The following MALRD1 variants were observed in gnomAD, a reference collection of about 807,000 sequenced individuals.
The protein encoded by MALRD1 is MAM and LDL receptor class A domain containing 1, also known as MAM and LDL-receptor class A domain-containing protein 1.
A neutral mutation model predicts 242.1 loss-of-function variants in MALRD1; 247 were observed. That is an observed-to-expected ratio of 1.02 (90% CI 0.92 to 1.13). The LOEUF (loss-of-function observed/expected upper bound fraction) is 1.13. Among genes scored for constraint, MALRD1 ranks in the 50% most tolerant of loss-of-function variants. The probability of loss-of-function intolerance (pLI) is 0.00; values close to 1 mark genes in which losing one functional copy is unlikely to be tolerated. For missense variants in MALRD1, 2,989 were observed against 2,533.1 expected (o/e 1.18, Z -3.86); for synonymous variants, 995 against 866.6 (o/e 1.15, Z -2.60).
intron 19 of MALRD1, among the ~76,000 whole-genome samples, chr10:19,271,467 G>T (rs1840237888): frequency 6.6e-6 from 1 of 152,104 alleles, no homozygotes; most frequent in East Asian, 1.9e-4. Flanking sequence ...ACTATTATTA[G>T]AATTTTAAAA....
chr10:19,184,613 A>G (rs1835658130), intron 14 of MALRD1, among the ~76,000 whole-genome samples: 2 of 152,062 alleles, frequency 1.3e-5, no homozygotes, highest in South Asian at 4.1e-4. Context: ...CAGTGGTGCG[A>G]TCTTGGCTCA....
intron 1 of MALRD1, chr10:19,051,555 A>G (rs1834495883): frequency 5.7e-6 from 1 of 174,422 alleles, no homozygotes; most frequent in Non-Finnish European, 1.3e-5. Context: ...GTTAGCTAGG[A>G]TCTAGAAGAT....
chr10:19,098,269 C>G (rs1414576590), intron 4 of MALRD1, among the ~76,000 whole-genome samples: 2 of 152,166 alleles, frequency 1.3e-5, no homozygotes, highest in Non-Finnish European at 2.9e-5. Flanking sequence ...ACTAAATGAA[C>G]AATCAGTGCC....
rs1271330257 is a variant in MALRD1 at position 19,387,761 on chromosome 10, G to T, written c.4675G>T (p.Gly1559Ter). The change falls in exon 27 of 40, where the codon GGA (glycine) becomes TGA (stop). Residue 1559 changes from glycine (G) to a stop codon, truncating the protein, a stop_gained. Coordinates refer to ENST00000454679, the MANE Select transcript of MALRD1 (RefSeq NM_001142308.3). LOFTEE classifies it high-confidence loss of function. The part of the protein sequence containing the change: ...SLRPPKDHTL[G>*]NENGHFMYLE... Reference sequence around the variant, plus strand: ...AAGACCTCCCAAAGACCACACACTTGGAAATGAAAATGGTAGGTTATTAGA... The same window carrying T: ...AAGACCTCCCAAAGACCACACACTTTGAAATGAAAATGGTAGGTTATTAGA... 1 of 1,547,378 alleles carries T rather than the reference G, an allele frequency of 6.5e-7. No homozygotes were observed. Among genetic ancestry groups the T allele is most frequent in the Non-Finnish European group, 8.7e-7 (1 of 1,145,854 alleles).
At chr10:19,227,661 GA>G (rs1469044540) in intron 18 of MALRD1, among the ~76,000 whole-genome samples, 1 of 151,994 alleles carries the variant, frequency 6.6e-6, no homozygotes, top group East Asian at 1.9e-4. Flanking sequence ...ATCAAAAAAT[GA>G]AAAGGCAAAC....
intron 29 of MALRD1, among the ~76,000 whole-genome samples, chr10:19,470,407 G>A (rs1290431058): frequency 6.6e-6 from 1 of 151,996 alleles, no homozygotes; most frequent in Non-Finnish European, 1.5e-5. Flanking sequence ...GATACCAGGT[G>A]TAAATATCTC....
intron 26 of MALRD1, among the ~76,000 whole-genome samples, chr10:19,354,357 G>T: frequency 6.6e-6 from 1 of 152,020 alleles, no homozygotes; most frequent in Non-Finnish European, 1.5e-5. Context: ...AATACAAGAT[G>T]GCAAGTGGGT....
chr10:19,423,823 G>C (rs1234584235), intron 28 of MALRD1, among the ~76,000 whole-genome samples: 3 of 152,108 alleles, frequency 2.0e-5, no homozygotes, highest in Admixed American at 2.0e-4. Context: ...GATGCAGCAG[G>C]GAGGCTGATT....
At chr10:19,284,309 G>A (rs1386082312) in intron 21 of MALRD1, among the ~76,000 whole-genome samples, 8 of 149,086 alleles carry the variant, frequency 5.4e-5, no homozygotes, top group South Asian at 2.1e-4. Flanking sequence ...GTGCAGGTTC[G>A]TTACATATGT....
chr10:19,456,905 C>T (rs957498860), intron 29 of MALRD1, among the ~76,000 whole-genome samples: 3 of 151,478 alleles, frequency 2.0e-5, no homozygotes, highest in Admixed American at 6.6e-5. Flanking sequence ...CGTGAGTAGC[C>T]GGGATTACAG....
At chr10:19,617,136 C>G (rs1246984400) in intron 36 of MALRD1, among the ~76,000 whole-genome samples, 1 of 151,916 alleles carries the variant, frequency 6.6e-6, no homozygotes, top group Non-Finnish European at 1.5e-5. Flanking sequence ...TTAATCCTGA[C>G]AGTTAAGCCA....
chr10:19,081,324 T>C (rs577391509), intron 2 of MALRD1, among the ~76,000 whole-genome samples: 1 of 152,268 alleles, frequency 6.6e-6, no homozygotes, highest in African/African-American at 2.4e-5. Flanking sequence ...CGTATGTTCA[T>C]TGGAGCACTG....
At chr10:19,497,805 C>CA (rs964223007) in intron 30 of MALRD1, among the ~76,000 whole-genome samples, 9 of 151,244 alleles carry the variant, frequency 6.0e-5, no homozygotes, top group African/African-American at 9.7e-5. Flanking sequence ...AACTGATGTA[C>CA]AAAAAAAAGA....
intron 36 of MALRD1, among the ~76,000 whole-genome samples, chr10:19,653,080 A>ATTTTT (rs1180401300): frequency 6.6e-6 from 1 of 152,182 alleles, no homozygotes. Flanking sequence ...CTAGCAGTCT[A>ATTTTT]TTGTACAAAT....
At chr10:19,050,180 C>T (rs1053223564) in intron 1 of MALRD1, among the ~76,000 whole-genome samples, 17 of 147,838 alleles carry the variant, frequency 1.1e-4, no homozygotes, top group Non-Finnish European at 2.1e-4. Flanking sequence ...CTCCGCCTCC[C>T]GGGTTCACGC....
rs968409617 is a variant in MALRD1, at chr10:19,525,510, C to T, written c.5321-5684C>T. ...GCTGAATTTATACTATTGTATTTGA[C>T]ATTAAGCAGCTACAATTTTCAAAAA... On this transcript the variant is annotated intron_variant, in intron 31 of 39. Transcript: ENST00000454679. 2.6e-5 allele frequency among the ~76,000 whole-genome samples: 4 copies of T among 152,222 alleles called. No homozygotes were observed. The South Asian group carries it at 8.3e-4, about 32-fold the overall frequency.
At chr10:19,549,899 G>A (rs921608990) in intron 32 of MALRD1, among the ~76,000 whole-genome samples, 5 of 152,136 alleles carry the variant, frequency 3.3e-5, no homozygotes, top group African/African-American at 1.2e-4. Flanking sequence ...TCAGCCTTCT[G>A]GCTAATAGGT....
At chr10:19,357,717 T>G (rs895081387) in intron 26 of MALRD1, among the ~76,000 whole-genome samples, 15 of 152,302 alleles carry the variant, frequency 9.8e-5, no homozygotes, top group African/African-American at 3.6e-4. Flanking sequence ...TAAACTGGGA[T>G]AAATGGCATT....
chr10:19,201,804 T>C (rs182457557), intron 14 of MALRD1, among the ~76,000 whole-genome samples: 8 of 152,166 alleles, frequency 5.3e-5, no homozygotes, highest in African/African-American at 1.9e-4. Flanking sequence ...ACCGAAGATT[T>C]CTAAACTTTA....
Sources: allele counts gnomAD v4.1 joint callset (sites outside exome capture counted in the v4.1 genomes callset), GRCh38; gene constraint gnomAD v4.1.1; transcripts MANE v1.5; gene names NCBI Gene and HGNC (gene_info 2026-07-23, HGNC 2026-07-21).